ATM: variants seen among roughly 807,000 people sequenced by gnomAD.
ATM encodes the protein serine-protein kinase ATM.
A neutral mutation model predicts 387.0 loss-of-function variants in ATM; 308 were observed. The ratio of observed to expected loss-of-function variants is 0.80; its 90% confidence interval spans 0.73 to 0.87. ATM has a LOEUF of 0.87. ATM is among the 40% of genes least tolerant of loss of function. The pLI is 0.00. For missense variants in ATM, 3,312 were observed against 3,560.9 expected (o/e 0.93, Z 1.78); for synonymous variants, 1,156 against 1,187.3 (o/e 0.97, Z 0.54).
intron 26 of ATM, among the ~76,000 whole-genome samples, chr11:108,285,245 C>G (rs1395250404): frequency 2.0e-5 from 3 of 152,114 alleles, no homozygotes; most frequent in African/African-American, 7.2e-5. Context: ...CAGATGTAAG[C>G]CACCTTGCCA....
intron 16 of ATM, among the ~76,000 whole-genome samples, chr11:108,264,619 A>G (rs2081109241): frequency 1.4e-5 from 2 of 147,164 alleles, no homozygotes; most frequent in Non-Finnish European, 1.5e-5. Flanking sequence ...ATAGTGTTGG[A>G]AGTTCTGGCC....
rs786203688 is a variant in ATM at position 108,279,611 on chromosome 11, A to G, written c.3402+3A>G. ...CTCAGGAAGGAATGAGAGAAATGGT[A>G]ATTTTAAGTAACATGTATTTGCTGT... On this transcript the variant is annotated splice_donor_region_variant and intron_variant, in intron 23 of 62. Transcript: ENST00000675843. The G allele has an allele frequency of 3.5e-5, 55 of 1,589,612 alleles. No homozygotes were observed. The highest frequency in any genetic ancestry group is 6.7e-5 in the East Asian group (3 of 44,700).
At chr11:108,292,903 AT>A in intron 30 of ATM, 110 bp downstream of exon 30, 1 of 1,329,306 alleles carries the variant, frequency 7.5e-7, no homozygotes, top group Non-Finnish European at 1.1e-6. Context: ...TATTGAGAAT[AT>A]TTTTTGTAAA....
rs938769517 is a variant in ATM, at chr11:108,267,074, A to G, written c.2467-97A>G. On this transcript the variant is annotated intron_variant, in intron 16 of 62. Coordinates refer to ENST00000675843, the MANE Select transcript of ATM (RefSeq NM_000051.4). ...GCCTCCCAAATTGCTGAGATTACAGATGTGAGCCACTGTGCCCAGCCTGAT... is the reference window on the plus strand; with the variant it reads ...GCCTCCCAAATTGCTGAGATTACAGGTGTGAGCCACTGTGCCCAGCCTGAT... The G allele has an allele frequency of 6.4e-6, 8 of 1,244,342 alleles. No homozygotes were observed. The African/African-American group carries it at 7.5e-5, about 12-fold the overall frequency. 77.1% of individuals were successfully genotyped at this position (1,244,342 alleles called of 1,614,324 possible).
intron 26 of ATM, 112 bp from the exon 27 acceptor site, chr11:108,287,488 T>G (rs922952184): frequency 1.5e-6 from 1 of 646,196 alleles, no homozygotes; most frequent in Non-Finnish European, 2.6e-6. Context: ...TCATCTATTT[T>G]CTTTTACAGT....
At position 108,330,325 on chromosome 11, in the gene ATM, CTTA is replaced by C; in HGVS notation, c.7423_7425del (p.Leu2475del). The stretch of plus-strand genomic sequence containing the variant: ...AAGCAGTTGAAAATTATATCAACTG[CTTA>C]TTAAGTGGAGAAGAACATGATATGT... On this transcript the variant is annotated inframe_deletion, in exon 50 of 63. Transcript: ENST00000675843. 1 of 1,614,140 alleles carries C rather than the reference CTTA, an allele frequency of 6.2e-7. No homozygotes were observed. The highest frequency in any genetic ancestry group is 8.5e-7 in the Non-Finnish European group (1 of 1,180,006).
chr11:108,259,374 A>AGT lies in ATM; in HGVS notation c.2466+300_2466+301insTG, dbSNP rs2080721903. Among the ~76,000 whole-genome samples, 5 of 152,164 alleles carry AGT rather than the reference A, an allele frequency of 3.3e-5. No homozygotes were observed. The South Asian group carries it at 6.2e-4, about 19-fold the overall frequency. On this transcript the variant is annotated intron_variant, in intron 16 of 62. Coordinates refer to ENST00000675843, the MANE Select transcript of ATM (RefSeq NM_000051.4). The stretch of plus-strand genomic sequence containing the variant: ...CGTGGTGACATGTGCCTGTAGTCCC[A>AGT]GCTACTCGGGAGGCTGAGGCAGAAT...
At chr11:108,348,092 A>C (rs915225997) in intron 59 of ATM, among the ~76,000 whole-genome samples, 2 of 152,154 alleles carry the variant, frequency 1.3e-5, no homozygotes, top group Non-Finnish European at 2.9e-5. Flanking sequence ...TAACTAAGGA[A>C]TATATCAAGT....
chr11:108,316,150 G>T (rs755970192), intron 42 of ATM, 37 bp downstream of exon 42: 15 of 1,552,062 alleles, frequency 9.7e-6, no homozygotes, highest in African/African-American at 1.4e-5. Context: ...GCCATCACTA[G>T]TGTAGTGCTG....
Position 108,335,893 on chromosome 11 carries a change from A to G in ATM, c.8200A>G (p.Met2734Val). Residue 2734 changes from methionine to valine, a missense_variant, in exon 56 of 63, where the codon ATG becomes GTG. Met to Val is a conservative substitution (Grantham distance 21). This residue lies in a region of ATM where 1,405 missense variants were observed against 1,604.4 expected (regional missense o/e 0.88). Transcript: ENST00000675843. ...QDAVMQQVFQ[M>V]CNTLLQRNTE... ...TGCTGTCATGCAACAGGTCTTCCAGATGTGTAATACATTACTGCAGAGAAA... is the reference window on the plus strand; with the variant it reads ...TGCTGTCATGCAACAGGTCTTCCAGGTGTGTAATACATTACTGCAGAGAAA... The G allele has an allele frequency of 6.2e-7, 1 of 1,614,088 alleles. No homozygotes were observed.
chr11:108,352,974 GTATGAAGGATCCT>G (rs1043701939), intron 59 of ATM, among the ~76,000 whole-genome samples: 10 of 152,098 alleles, frequency 6.6e-5, no homozygotes, highest in African/African-American at 2.4e-4. Flanking sequence ...GTAAAGGGCA[GTATGAAGGATCCT>G]TATGATAGGA....
chr11:108,265,091 C>G (rs902246351), intron 16 of ATM, among the ~76,000 whole-genome samples: 146 of 150,182 alleles, frequency 9.7e-4, no homozygotes, highest in African/African-American at 3.3e-3. Context: ...GCATCCCCAT[C>G]AAGCTACCAA....
intron 51 of ATM, 132 bp downstream of exon 51, chr11:108,331,689 C>A (rs988206152): frequency 2.5e-5 from 34 of 1,340,546 alleles, no homozygotes; most frequent in Non-Finnish European, 3.3e-5. Context: ...CTTCTCACAT[C>A]ACATAAGTTA....
chr11:108,359,151 C>G (rs2137568506), intron 61 of ATM, among the ~76,000 whole-genome samples: 1 of 150,924 alleles, frequency 6.6e-6, no homozygotes, highest in South Asian at 2.1e-4. Flanking sequence ...CAATCCTAGT[C>G]TCTGATAAAA....
At chr11:108,248,613 G>A (rs113718705) in intron 8 of ATM, among the ~76,000 whole-genome samples, 46 of 152,156 alleles carry the variant, frequency 3.0e-4, no homozygotes, top group African/African-American at 9.4e-4. Flanking sequence ...ATTTGGCCAG[G>A]CGTGGTGGCT....
At chr11:108,254,554 A>T (rs1396672033) in intron 13 of ATM, among the ~76,000 whole-genome samples, 1 of 152,208 alleles carries the variant, frequency 6.6e-6, no homozygotes, top group East Asian at 1.9e-4. Context: ...TGCATTTTTT[A>T]AAATGTGAAA....
At chr11:108,266,603 T>A (rs1170195095) in intron 16 of ATM, among the ~76,000 whole-genome samples, 1 of 151,828 alleles carries the variant, frequency 6.6e-6, no homozygotes, top group African/African-American at 2.4e-5. Flanking sequence ...ACCTGCACAA[T>A]GTGCACATGT....
chr11:108,261,494 A>G (rs1027579743), intron 16 of ATM, among the ~76,000 whole-genome samples: 2 of 152,166 alleles, frequency 1.3e-5, no homozygotes, highest in Non-Finnish European at 2.9e-5. Context: ...CATCACCATC[A>G]TCAAAGACCA....
intron 33 of ATM, 30 bp from the exon 34 acceptor site, chr11:108,299,684 A>T (rs774809625): frequency 2.5e-6 from 4 of 1,605,468 alleles, no homozygotes; most frequent in South Asian, 1.1e-5. Flanking sequence ...CTTACCTATG[A>T]CTCTACTGAA....
Sources: gnomAD v4.1 joint callset for allele counts (sites outside exome capture counted in the v4.1 genomes callset) on GRCh38, gnomAD v4.1.1 for gene constraint, gnomAD v4.1.1 regional missense constraint, MANE v1.5 for transcripts, NCBI Gene and HGNC (gene_info 2026-07-23, HGNC 2026-07-21) for gene names.